Variants in ANKRD30BL observed in about 807,000 individuals in gnomAD.
ANKRD30BL encodes ankyrin repeat domain 30B like.
Under a neutral mutation model 18.4 loss-of-function variants are expected in ANKRD30BL, and 20 were observed. That is an observed-to-expected ratio of 1.09 (90% confidence interval 0.77 to 1.58). The LOEUF (loss-of-function observed/expected upper bound fraction) is 1.58, where lower values mean the gene tolerates loss of function less well. ANKRD30BL is among the 40% of genes most tolerant of loss of function. The pLI, the probability that ANKRD30BL is intolerant of heterozygous loss-of-function variation, is 0.00. For synonymous variants in ANKRD30BL, 72 were observed against 100.9 expected (o/e 0.71, Z 1.72); for missense variants, 224 against 268.6 (o/e 0.83, Z 1.16).
chr2:132,169,912 C>T (rs1390285642), intron 1 of ANKRD30BL, among the ~76,000 whole-genome samples: 1 of 152,008 alleles, frequency 6.6e-6, no homozygotes, highest in African/African-American at 2.4e-5. Flanking sequence ...GAATGTTCTC[C>T]TATAAAGTAC....
At chr2:132,217,600 A>G (rs532801376) in intron 1 of ANKRD30BL, among the ~76,000 whole-genome samples, 128 of 152,316 alleles carry the variant, frequency 8.4e-4, no homozygotes, top group Non-Finnish European at 1.6e-3. Flanking sequence ...GGAAGTCGGA[A>G]TATCTTCAGA....
intron 1 of ANKRD30BL, among the ~76,000 whole-genome samples, chr2:132,222,998 C>G (rs182712523): frequency 5.3e-5 from 8 of 152,140 alleles, no homozygotes; most frequent in Non-Finnish European, 1.0e-4. Flanking sequence ...TTGCATTCAA[C>G]TCACAGAGTT....
Position 132,161,769 on chromosome 2 carries a change from C to T in ANKRD30BL, c.-64G>A. The T allele has an allele frequency of 1.3e-6, 1 of 742,484 alleles. No individual in the cohort carries two copies. The highest frequency in any genetic ancestry group is 2.7e-5 in the East Asian group (1 of 37,252). 46.0% of individuals were successfully genotyped at this position (742,484 alleles called of 1,614,324 possible). A position where few individuals can be genotyped will look rare whatever the true frequency, so the allele number is the denominator to read the frequency against. On this transcript the variant is annotated 5_prime_UTR_variant, in exon 1 of 6. Coordinates refer to ENST00000409867, the MANE Select transcript of ANKRD30BL (RefSeq NM_001358416.1). ...CTGCTCGCCCTTCCCCAGTCCCCGC[C>T]GCTCGCCCTCGCCCTTCTTCAGTCC...
chr2:132,188,491 C>A (rs892967723), intron 1 of ANKRD30BL, among the ~76,000 whole-genome samples: 1 of 152,070 alleles, frequency 6.6e-6, no homozygotes, highest in African/African-American at 2.4e-5. Flanking sequence ...CTGAGGCGGG[C>A]GGATCATGAG....
At chr2:132,238,348 G>A (rs1479594643) in intron 1 of ANKRD30BL, among the ~76,000 whole-genome samples, 3 of 151,772 alleles carry the variant, frequency 2.0e-5, no homozygotes, top group African/African-American at 7.2e-5. Context: ...TTTGTGACGT[G>A]TGCATTCAAC....
chr2:132,172,274 T>G lies in ANKRD30BL; in HGVS notation n.442-15128A>C, dbSNP rs148059953. Among the ~76,000 whole-genome samples, 1,249 of 152,306 alleles carry G rather than the reference T, an allele frequency of 8.2e-3. 8 individuals are homozygous for G. The highest frequency in any genetic ancestry group is 0.013 in the Non-Finnish European group (899 of 68,032). On this transcript the variant is annotated intron_variant and non_coding_transcript_variant, in intron 1 of 4. Coordinates refer to the ANKRD30BL transcript ENST00000470729. Reference sequence around the variant, plus strand: ...TGCTGGATCACATAGTAGTTCTATGTCTAACTTTTGAGGAGCCACCTAACT... The same window carrying G: ...TGCTGGATCACATAGTAGTTCTATGGCTAACTTTTGAGGAGCCACCTAACT...
intron 1 of ANKRD30BL, among the ~76,000 whole-genome samples, chr2:132,215,806 G>A (rs1214491370): frequency 6.6e-6 from 1 of 152,088 alleles, no homozygotes. Flanking sequence ...CACTCTTTCT[G>A]TAACATCTGC....
chr2:132,232,605 T>A (rs1680053895), intron 1 of ANKRD30BL, among the ~76,000 whole-genome samples: 1 of 151,436 alleles, frequency 6.6e-6, no homozygotes, highest in Admixed American at 6.6e-5. Context: ...ATGAAATGAA[T>A]GAAATGAAGC....
chr2:132,217,657 C>T (rs1236792858), intron 1 of ANKRD30BL, among the ~76,000 whole-genome samples: 1 of 152,276 alleles, frequency 6.6e-6, no homozygotes, highest in East Asian at 1.9e-4. Flanking sequence ...GTGATGTGTA[C>T]ATTCATGTCA....
intron 1 of ANKRD30BL, among the ~76,000 whole-genome samples, chr2:132,221,442 C>T (rs1679679012): frequency 7.5e-6 from 1 of 134,178 alleles, no homozygotes; most frequent in Non-Finnish European, 1.6e-5. Flanking sequence ...CCCGCCTGGC[C>T]AGCCACCCCG....
intron 1 of ANKRD30BL, among the ~76,000 whole-genome samples, chr2:132,172,609 C>G (rs1346147405): frequency 6.6e-6 from 1 of 151,866 alleles, no homozygotes; most frequent in African/African-American, 2.4e-5. Context: ...GTTCTTTATT[C>G]TATTATACAT....
chr2:132,162,700 C>G (rs1483393172), upstream of ANKRD30BL, among the ~76,000 whole-genome samples: 1 of 152,258 alleles, frequency 6.6e-6, no homozygotes, highest in Non-Finnish European at 1.5e-5. Flanking sequence ...AGGGCTGGGC[C>G]CGACGGCCTG....
intron 1 of ANKRD30BL, among the ~76,000 whole-genome samples, chr2:132,170,731 G>A (rs1688263438): frequency 6.6e-6 from 1 of 152,180 alleles, no homozygotes; most frequent in Admixed American, 6.5e-5. Context: ...GTTTTCAGAA[G>A]GCCATGAATC....
At chr2:132,180,068 A>C (rs1240574964) in intron 1 of ANKRD30BL, among the ~76,000 whole-genome samples, 2 of 152,168 alleles carry the variant, frequency 1.3e-5, no homozygotes, top group Non-Finnish European at 2.9e-5. Flanking sequence ...TAAATTTGGC[A>C]TAGCTTAAGT....
chr2:132,233,824 C>A (rs1680082718), intron 1 of ANKRD30BL, among the ~76,000 whole-genome samples: 1 of 151,100 alleles, frequency 6.6e-6, no homozygotes, highest in East Asian at 1.9e-4. Flanking sequence ...CTCAGCTCTG[C>A]ACCAAGTGGA....
At chr2:132,233,014 G>C (rs1020468609) in intron 1 of ANKRD30BL, among the ~76,000 whole-genome samples, 3 of 152,092 alleles carry the variant, frequency 2.0e-5, no homozygotes, top group African/African-American at 7.2e-5. Flanking sequence ...AGCCAGAAGA[G>C]AGTGGGGGCC....
At chr2:132,257,398 AG>A (rs1680888019) in intron 1 of ANKRD30BL, 1 of 326,972 alleles carries the variant, frequency 3.1e-6, no homozygotes, top group African/African-American at 2.3e-5. Context: ...CCCAACCGCT[AG>A]GACGCCGGCC....
intron 1 of ANKRD30BL, among the ~76,000 whole-genome samples, chr2:132,255,152 T>C (rs1680793557): frequency 6.6e-6 from 1 of 152,226 alleles, no homozygotes; most frequent in African/African-American, 2.4e-5. Flanking sequence ...CAACGGTATC[T>C]GATCGTCTTC....
rs78109810 is a variant in ANKRD30BL at position 132,247,879 on chromosome 2, T to C, written n.441+9650A>G. 2.0e-5 allele frequency among the ~76,000 whole-genome samples: 3 copies of C among 151,726 alleles called. No individual in the cohort carries two copies. In the South Asian group the frequency reaches 6.2e-4, roughly 32 times the overall value. ...TTCTACACTGTGAGAGTAATACACATGTCAGAAAGAAGTTTCTCAGAATGT... is the reference window on the plus strand; with the variant it reads ...TTCTACACTGTGAGAGTAATACACACGTCAGAAAGAAGTTTCTCAGAATGT... On this transcript the variant is annotated intron_variant and non_coding_transcript_variant, in intron 1 of 4. Coordinates refer to the ANKRD30BL transcript ENST00000470729.
Sources: gnomAD v4.1 joint callset for allele counts (sites outside exome capture counted in the v4.1 genomes callset) on GRCh38, gnomAD v4.1.1 for gene constraint, MANE v1.5 for transcripts, NCBI Gene and HGNC (gene_info 2026-07-23, HGNC 2026-07-21) for gene names.